Variants in MICU3 observed in about 807,000 individuals in gnomAD.
MICU3 encodes calcium uptake protein 3, mitochondrial.
In MICU3, 62 loss-of-function variants were observed where a neutral mutation model predicts 66.5. The ratio of observed to expected loss-of-function variants is 0.93; its 90% CI spans 0.76 to 1.15. The LOEUF (loss-of-function observed/expected upper bound fraction) is 1.15, where lower values mean the gene tolerates loss of function less well. Among genes scored for constraint, MICU3 ranks in the 50% most tolerant of loss-of-function variants. The pLI, the probability that MICU3 is intolerant of heterozygous loss-of-function variation, is 0.00. For synonymous variants in MICU3, 308 were observed against 240.7 expected (o/e 1.28, Z -2.59); for missense variants, 779 against 664.4 (o/e 1.17, Z -1.90).
At chr8:17,052,347 T>A (rs939872129) in intron 1 of MICU3, among the ~76,000 whole-genome samples, 2 of 152,210 alleles carry the variant, frequency 1.3e-5, no homozygotes, top group African/African-American at 4.8e-5. Flanking sequence ...ATCATTTCTT[T>A]GTGTCAAGAA....
chr8:17,106,554 T>C (rs3862114), intron 11 of MICU3, among the ~76,000 whole-genome samples: 1 of 151,574 alleles, frequency 6.6e-6, no homozygotes, highest in African/African-American at 2.4e-5. Context: ...TGCTTTTTTT[T>C]TTTTTTTTGC....
chr8:17,031,288 T>TATTATTATTATC (rs1554502370), intron 1 of MICU3, among the ~76,000 whole-genome samples: 109 of 148,010 alleles, frequency 7.4e-4, no homozygotes, highest in African/African-American at 2.5e-3. Context: ...TTATTATTAT[T>TATTATTATTATC]ATTATTATTA....
chr8:17,138,374 C>G, the MICU3 span, among the ~76,000 whole-genome samples: 1 of 152,116 alleles, frequency 6.6e-6, no homozygotes, highest in Non-Finnish European at 1.5e-5. Flanking sequence ...TTAAAGAACA[C>G]AGAACATACC....
chr8:17,055,775 A>G (rs1275487214), intron 1 of MICU3, among the ~76,000 whole-genome samples: 1 of 152,166 alleles, frequency 6.6e-6, no homozygotes, highest in Non-Finnish European at 1.5e-5. Flanking sequence ...TGGGGCTCTT[A>G]TGTGAGAAAG....
chr8:17,040,982 A>T (rs1813970095), intron 1 of MICU3, among the ~76,000 whole-genome samples: 1 of 152,234 alleles, frequency 6.6e-6, no homozygotes. Flanking sequence ...ATGGGCATGG[A>T]TGATGAATCT....
intron 3 of MICU3, among the ~76,000 whole-genome samples, chr8:17,070,772 G>C (rs1276176031): frequency 6.6e-6 from 1 of 151,952 alleles, no homozygotes; most frequent in Non-Finnish European, 1.5e-5. Flanking sequence ...TTAAAGTTAG[G>C]TATATTAGTC....
intron 1 of MICU3, among the ~76,000 whole-genome samples, chr8:17,028,358 G>A (rs1458727483): frequency 6.6e-6 from 1 of 152,134 alleles, no homozygotes; most frequent in East Asian, 1.9e-4. Flanking sequence ...TCCTACAGAA[G>A]AAAGTCACGT....
intron 12 of MICU3, among the ~76,000 whole-genome samples, chr8:17,116,237 C>T (rs1443857780): frequency 1.3e-5 from 2 of 152,148 alleles, no homozygotes; most frequent in Non-Finnish European, 2.9e-5. Context: ...GCATTATTAA[C>T]CTAAGATACA....
At chr8:17,137,045 G>A in the MICU3 span, among the ~76,000 whole-genome samples, 2 of 151,950 alleles carry the variant, frequency 1.3e-5, no homozygotes, top group African/African-American at 4.8e-5. Context: ...ATGTTGGCCA[G>A]GATGGTCTTC....
At chr8:17,123,547 G>A (rs1803319833), downstream of MICU3, among the ~76,000 whole-genome samples, 1 of 151,998 alleles carries the variant, frequency 6.6e-6, no homozygotes, top group African/African-American at 2.4e-5. Context: ...GTTATATAAT[G>A]TATAGTATTG....
chr8:17,031,291 T>G (rs1329303119), intron 1 of MICU3, among the ~76,000 whole-genome samples: 4 of 148,188 alleles, frequency 2.7e-5, no homozygotes, highest in Non-Finnish European at 4.5e-5. Context: ...TTATTATTAT[T>G]ATTATTATTA....
chr8:17,078,875 T>A (rs1399624153), intron 4 of MICU3, among the ~76,000 whole-genome samples: 1 of 152,082 alleles, frequency 6.6e-6, no homozygotes, highest in Non-Finnish European at 1.5e-5. Flanking sequence ...ATCTTAGAAA[T>A]TTTTTTCCTA....
chr8:17,075,658 C>T (rs940950389), intron 3 of MICU3, among the ~76,000 whole-genome samples: 6 of 151,960 alleles, frequency 3.9e-5, no homozygotes, highest in African/African-American at 9.7e-5. Flanking sequence ...TGATTTAGAC[C>T]GGGAGAAACT....
At chr8:17,089,662 C>G (rs964480353) in intron 7 of MICU3, among the ~76,000 whole-genome samples, 1 of 152,012 alleles carries the variant, frequency 6.6e-6, no homozygotes, top group African/African-American at 2.4e-5. Flanking sequence ...CCTGGATGAC[C>G]TTGGACAATG....
intron 5 of MICU3, 69 bp downstream of exon 5, chr8:17,081,809 CT>C: frequency 1.4e-6 from 1 of 693,912 alleles, no homozygotes; most frequent in Non-Finnish European, 2.5e-6. Flanking sequence ...GAAAGCAGAT[CT>C]TAGGTTCTCT....
intron 11 of MICU3, among the ~76,000 whole-genome samples, 170 bp from the exon 12 acceptor site, chr8:17,113,923 T>C (rs1343735695): frequency 6.6e-6 from 1 of 152,004 alleles, no homozygotes; most frequent in East Asian, 1.9e-4. Flanking sequence ...AAAGTAAGTC[T>C]GAGTGAATTT....
chr8:17,089,365 G>A (rs2150753620), intron 7 of MICU3, among the ~76,000 whole-genome samples: 1 of 152,042 alleles, frequency 6.6e-6, no homozygotes, highest in African/African-American at 2.4e-5. Context: ...ATCTGAACCA[G>A]GGAGGTTTTA....
At chr8:17,104,822 C>T (rs569124926) in intron 10 of MICU3, among the ~76,000 whole-genome samples, 1 of 56,770 alleles carries the variant, frequency 1.8e-5, no homozygotes, top group Non-Finnish European at 2.9e-5. Flanking sequence ...GGTGAAACCC[C>T]GTCTCTACTA....
intron 1 of MICU3, 48 bp from the exon 2 acceptor site, chr8:17,064,036 G>T: frequency 7.0e-7 from 1 of 1,432,510 alleles, no homozygotes; most frequent in Non-Finnish European, 9.6e-7. Context: ...CTTCTAGAGG[G>T]AGGTATTACT....
Sources: gnomAD v4.1 joint callset for allele counts (sites outside exome capture counted in the v4.1 genomes callset) on GRCh38, gnomAD v4.1.1 for gene constraint, MANE v1.5 for transcripts, NCBI Gene and HGNC (gene_info 2026-07-23, HGNC 2026-07-21) for gene names.